CEP85L: variants seen among roughly 807,000 people sequenced by gnomAD.
CEP85L encodes centrosomal protein of 85 kDa-like.
CEP85L carries 60 observed loss-of-function variants against 100.3 expected under a neutral mutation model. That is an observed-to-expected ratio of 0.60 (90% CI 0.49 to 0.74). The LOEUF (loss-of-function observed/expected upper bound fraction) is 0.74, where lower values mean the gene tolerates loss of function less well. Among genes scored for constraint, CEP85L ranks in the 30% least tolerant of loss-of-function variants. CEP85L has a pLI of 0.00. For missense variants in CEP85L, 973 were observed against 936.2 expected, an observed-to-expected ratio of 1.04 and a Z score of -0.51; for synonymous variants, 319 against 322.7, an observed-to-expected ratio of 0.99 and a Z score of 0.12.
intron 2 of CEP85L, among the ~76,000 whole-genome samples, chr6:118,600,095 A>C (rs1781649520): frequency 6.6e-6 from 1 of 152,136 alleles, no homozygotes; most frequent in Admixed American, 6.6e-5. Flanking sequence ...AATTAAATAA[A>C]TGGAAGAGAA....
chr6:118,472,756 A>C (rs980370360), intron 10 of CEP85L, among the ~76,000 whole-genome samples: 7 of 152,196 alleles, frequency 4.6e-5, no homozygotes, highest in Non-Finnish European at 1.0e-4. Flanking sequence ...CATTCACTAG[A>C]CATGTAGGGG....
chr6:118,660,617 C>A (rs534125274), intron 1 of CEP85L, among the ~76,000 whole-genome samples: 3 of 152,224 alleles, frequency 2.0e-5, no homozygotes, highest in Non-Finnish European at 4.4e-5. Flanking sequence ...TATTGAATGT[C>A]TTTTCAAAGT....
chr6:118,591,493 C>T (rs565611208), intron 2 of CEP85L, among the ~76,000 whole-genome samples: 1 of 152,136 alleles, frequency 6.6e-6, no homozygotes, highest in African/African-American at 2.4e-5. Context: ...AGGTCACTTT[C>T]CACAACCAAT....
intron 2 of CEP85L, among the ~76,000 whole-genome samples, chr6:118,589,935 A>C (rs2115115228): frequency 6.6e-6 from 1 of 152,324 alleles, no homozygotes; most frequent in South Asian, 2.1e-4. Context: ...TACCTCAGAA[A>C]ACAAGTATTG....
intron 1 of CEP85L, among the ~76,000 whole-genome samples, chr6:118,643,801 G>T (rs1369130163): frequency 1.3e-5 from 2 of 152,208 alleles, no homozygotes; most frequent in African/African-American, 4.8e-5. Flanking sequence ...TTCCCTGATT[G>T]AGAGAATCTT....
At chr6:118,667,764 C>CA (rs147079384) in intron 1 of CEP85L, among the ~76,000 whole-genome samples, 3,964 of 152,200 alleles carry the variant, frequency 0.026, 171 homozygotes, top group African/African-American at 0.087. Context: ...CAGCCCAGTC[C>CA]AATGCACAGA....
At chr6:118,686,789 A>G (rs1312135618) in intron 1 of CEP85L, among the ~76,000 whole-genome samples, 1 of 152,198 alleles carries the variant, frequency 6.6e-6, no homozygotes, top group Non-Finnish European at 1.5e-5. Context: ...GTGTTCTACA[A>G]TTCTAGGATC....
At chr6:118,701,119 A>C (rs2114359431) in intron 1 of CEP85L, among the ~76,000 whole-genome samples, 1 of 152,314 alleles carries the variant, frequency 6.6e-6, no homozygotes, top group Non-Finnish European at 1.5e-5. Context: ...GTTAAGAGCC[A>C]CCATGGAAAC....
intron 3 of CEP85L, 100 bp from the exon 4 acceptor site, chr6:118,524,020 C>G (rs1440842586): frequency 2.1e-6 from 1 of 482,248 alleles, no homozygotes; most frequent in Non-Finnish European, 3.5e-6. Flanking sequence ...AAAAAAAGAA[C>G]TCCCTCTTTG....
chr6:118,470,110 T>C (rs2114425933), intron 11 of CEP85L, among the ~76,000 whole-genome samples: 1 of 151,924 alleles, frequency 6.6e-6, no homozygotes, highest in South Asian at 2.1e-4. Context: ...AAATAACAAG[T>C]ATAAAATCAA....
intron 2 of CEP85L, among the ~76,000 whole-genome samples, chr6:118,585,183 A>G (rs1485826485): frequency 6.6e-6 from 1 of 152,250 alleles, no homozygotes; most frequent in African/African-American, 2.4e-5. Context: ...TCGCTCTTAC[A>G]GAAGCAATTG....
rs967593023 is a variant in CEP85L, at chr6:118,651,393, G to C, written c.-124C>G. 4 of 1,356,956 alleles carry C rather than the reference G, an allele frequency of 2.9e-6. No homozygotes were observed. In the African/African-American group the frequency reaches 4.6e-5, roughly 16 times the overall value. 84.1% of individuals were successfully genotyped at this position (1,356,956 alleles called of 1,614,324 possible). ...GCGACACGGGCAGGAGGAAAGGCGG[G>C]ATGGCTGGTTAACGGCTGCTCAGCT... On this transcript the variant is annotated 5_prime_UTR_variant, in exon 1 of 13. It adds an upstream start codon to the 5' untranslated region. Transcript: ENST00000368491.
intron 2 of CEP85L, among the ~76,000 whole-genome samples, chr6:118,619,072 T>C (rs182902789): frequency 1.8e-4 from 27 of 152,236 alleles, no homozygotes; most frequent in South Asian, 6.2e-4. Context: ...CCGAGCACAA[T>C]TGGACTGGAC....
chr6:118,562,384 G>C (rs1779274497), intron 3 of CEP85L, among the ~76,000 whole-genome samples: 1 of 151,358 alleles, frequency 6.6e-6, no homozygotes, highest in Non-Finnish European at 1.5e-5. Flanking sequence ...TAAATCAAGA[G>C]ACAGGGTGTT....
At chr6:118,471,133 A>G (rs569546098) in intron 10 of CEP85L, among the ~76,000 whole-genome samples, 10 of 152,196 alleles carry the variant, frequency 6.6e-5, no homozygotes, top group African/African-American at 2.4e-4. Flanking sequence ...TAGTAATCCA[A>G]GCAGTGAATA....
chr6:118,543,737 T>C (rs1434002971), intron 3 of CEP85L, among the ~76,000 whole-genome samples: 2 of 152,290 alleles, frequency 1.3e-5, no homozygotes, highest in South Asian at 2.1e-4. Context: ...TACATGGCAA[T>C]GGACAGATCA....
In CEP85L at chr6:118,555,524, A is replaced by T. The variant is rs1038731817; in HGVS notation, c.1020+10005T>A. Among the ~76,000 whole-genome samples the T allele has an allele frequency of 2.0e-5, 3 of 152,208 alleles. No homozygotes were observed. In the East Asian group the frequency reaches 5.8e-4, roughly 29 times the overall value. On this transcript the variant is annotated intron_variant, in intron 3 of 12. Coordinates refer to ENST00000368491, the MANE Select transcript of CEP85L (RefSeq NM_001042475.3). ...CAATAAGCAAATATCAACATAAGCA[A>T]ATATCAACATAAGCAACTTAAAGGA...
chr6:118,503,420 A>G lies in CEP85L; in HGVS notation c.1257+7878T>C, dbSNP rs1189822300. ...CAACCAAAATCCTAGCTTATTACTT[A>G]GTAGATTCAATGAACTGATTCTAAG... is the stretch of plus-strand genomic sequence containing the variant. On this transcript the variant is annotated intron_variant, in intron 5 of 12. Coordinates refer to ENST00000368491, the MANE Select transcript of CEP85L (RefSeq NM_001042475.3). Among the ~76,000 whole-genome samples the G allele has an allele frequency of 2.6e-5, 4 of 152,212 alleles. 1 individual carries two copies. Among genetic ancestry groups the G allele is most frequent in the Admixed American group, 2.6e-4 (4 of 15,278 alleles).
chr6:118,501,482 G>A (rs762795921), intron 5 of CEP85L: 15 of 433,590 alleles, frequency 3.5e-5, no homozygotes, highest in South Asian at 1.4e-4. Flanking sequence ...TGCTCTTTTC[G>A]TTTTCTGTGA....
Sources: gnomAD v4.1 joint callset for allele counts (sites outside exome capture counted in the v4.1 genomes callset) on GRCh38, gnomAD v4.1.1 for gene constraint, MANE v1.5 for transcripts, NCBI Gene and HGNC (gene_info 2026-07-23, HGNC 2026-07-21) for gene names.